PACRGL: variants seen among roughly 807,000 people sequenced by gnomAD.
PACRGL encodes PACRG-like protein.
Under a neutral mutation model 34.5 loss-of-function variants are expected in PACRGL, and 38 were observed. The ratio of observed to expected loss-of-function variants is 1.10; its 90% confidence interval spans 0.85 to 1.44. PACRGL has a LOEUF of 1.44. PACRGL is among the 40% of genes most tolerant of loss of function. The pLI is 0.00. For missense variants in PACRGL, 305 were observed against 281.4 expected (o/e 1.08, Z -0.60); for synonymous variants, 128 against 100.1 (o/e 1.28, Z -1.66).
At chr4:20,733,907 C>T (rs1287098575), downstream of PACRGL, among the ~76,000 whole-genome samples, 6 of 152,216 alleles carry the variant, frequency 3.9e-5, no homozygotes, top group Non-Finnish European at 7.3e-5. Flanking sequence ...TCTCCAGTAG[C>T]GCAAGTTCAT....
chr4:20,711,437 T>TA (rs1578180542), intron 5 of PACRGL, among the ~76,000 whole-genome samples: 1 of 152,206 alleles, frequency 6.6e-6, no homozygotes. Context: ...TGAGAGTTTT[T>TA]ATCTTGAAAA....
rs1023969976 is a variant in PACRGL, at chr4:20,704,575, C to G, written c.52+42C>G. ...TTTAAGTGAAGAGGTCAAGTTTGTT[C>G]ATGGCACTTTCTGTGCTACAGATGG... is the stretch of plus-strand genomic sequence containing the variant. On this transcript the variant is annotated intron_variant, in intron 2 of 8. Coordinates refer to ENST00000503585, the MANE Select transcript of PACRGL (RefSeq NM_001258345.3). 2.5e-6 allele frequency: 4 copies of G among 1,612,902 alleles called. No individual in the cohort carries two copies. The Admixed American group carries it at 6.7e-5, about 27-fold the overall frequency.
At chr4:20,742,057 T>G (rs1578468813) in intron 8 of PACRGL, among the ~76,000 whole-genome samples, 1 of 152,118 alleles carries the variant, frequency 6.6e-6, no homozygotes, top group African/African-American at 2.4e-5. Flanking sequence ...TAACAGGCTC[T>G]GAAATTGAGG....
rs1745874115 is a variant in PACRGL, at chr4:20,726,819, C to A, written c.691-466C>A. Among the ~76,000 whole-genome samples, 2 of 152,066 alleles carry A rather than the reference C, an allele frequency of 1.3e-5. 1 individual carries two copies. The highest frequency in any genetic ancestry group is 2.9e-5 in the Non-Finnish European group (2 of 68,012). On this transcript the variant is annotated intron_variant, in intron 8 of 8. Coordinates refer to ENST00000503585, the MANE Select transcript of PACRGL (RefSeq NM_001258345.3). Reference sequence around the variant, plus strand: ...TTTGATTTTTTTTCTAAGTGAAATGCACATTTATTTTGGAAAAGGCACAAT... The same window carrying A: ...TTTGATTTTTTTTCTAAGTGAAATGAACATTTATTTTGGAAAAGGCACAAT...
intron 3 of PACRGL, among the ~76,000 whole-genome samples, chr4:20,707,057 A>G (rs1734819240): frequency 6.6e-6 from 1 of 152,196 alleles, no homozygotes; most frequent in South Asian, 2.1e-4. Context: ...AGGTCAATTT[A>G]TATTTTGTAA....
At position 20,727,496 on chromosome 4, in the gene PACRGL, C is replaced by A. The variant is rs531733117; in HGVS notation, c.*155C>A. The A allele has an allele frequency of 1.6e-4, 91 of 552,812 alleles. No individual in the cohort carries two copies. In the East Asian group the frequency reaches 2.3e-3, roughly 14 times the overall value. The allele number at this position is 552,812 out of a possible 1,614,324, so 34.2% of individuals were successfully genotyped here. ...ACACTGAATCAAAGTTATTCATCAA[C>A]AAAAAAGAACAGTTACTAATGGAAA... On this transcript the variant is annotated 3_prime_UTR_variant, in exon 9 of 9. Transcript: ENST00000503585.
At chr4:20,704,860 T>G (rs754943664) in intron 3 of PACRGL, 46 bp downstream of exon 3, 3 of 1,591,486 alleles carry the variant, frequency 1.9e-6, no homozygotes, top group Non-Finnish European at 2.6e-6. Context: ...TTAAAGGCAT[T>G]TCGCACAGTA....
chr4:20,743,595 C>T (rs571155029), intron 8 of PACRGL, among the ~76,000 whole-genome samples: 1 of 152,260 alleles, frequency 6.6e-6, no homozygotes, highest in South Asian at 2.1e-4. Flanking sequence ...GGATCCCTTC[C>T]TTACACTTTA....
At position 20,706,748 on chromosome 4, in the gene PACRGL, G is replaced by A. The variant is rs952748011; in HGVS notation, c.208-1055G>A. ...CCGCCACCATCCTGGCTAGTTTTTTGTATTTTTAGTAGAGATGGGGTTTCA... is the reference window on the plus strand; with the variant it reads ...CCGCCACCATCCTGGCTAGTTTTTTATATTTTTAGTAGAGATGGGGTTTCA... On this transcript the variant is annotated intron_variant, in intron 3 of 8. Coordinates refer to ENST00000503585, the MANE Select transcript of PACRGL (RefSeq NM_001258345.3). 3.3e-5 allele frequency among the ~76,000 whole-genome samples: 5 copies of A among 152,040 alleles called. No homozygotes were observed. In the East Asian group the frequency reaches 9.7e-4, roughly 29 times the overall value.
chr4:20,742,848 A>G (rs1294049325), intron 8 of PACRGL, among the ~76,000 whole-genome samples: 2 of 152,198 alleles, frequency 1.3e-5, no homozygotes, highest in African/African-American at 4.8e-5. Flanking sequence ...CCTTAAACTG[A>G]TAAGCAACTT....
chr4:20,741,663 G>A (rs1435454076), intron 8 of PACRGL, among the ~76,000 whole-genome samples: 1 of 152,150 alleles, frequency 6.6e-6, no homozygotes, highest in East Asian at 1.9e-4. Flanking sequence ...AAAAGAAGTA[G>A]AGAAGCAAGA....
chr4:20,730,181 G>T lies in PACRGL; in HGVS notation c.*2840G>T. 1 of 1,559,634 alleles carries T rather than the reference G, an allele frequency of 6.4e-7. No homozygotes were observed. Among genetic ancestry groups the T allele is most frequent in the Non-Finnish European group, 8.7e-7 (1 of 1,153,944 alleles). On this transcript the variant is annotated 3_prime_UTR_variant, in exon 9 of 9. Transcript: ENST00000503585. Reference sequence around the variant, plus strand: ...AAATTCAGCATATCTGCAAGGAAAAGTACACTATTTTGCCCCTGAGTATTG... The same window carrying T: ...AAATTCAGCATATCTGCAAGGAAAATTACACTATTTTGCCCCTGAGTATTG...
In PACRGL at chr4:20,750,018, C is replaced by T. The variant is rs189781101; in HGVS notation, c.*57-2547C>T. On this transcript the variant is annotated intron_variant, in intron 8 of 8. Transcript: ENST00000507634. ...GATTAACACTGGGACAAGAAATGGT[C>T]CCATAGGTGGATGTGAAGATTGAGA... 2.3e-3 allele frequency among the ~76,000 whole-genome samples: 356 copies of T among 152,168 alleles called. 8 individuals are homozygous for T. The South Asian group carries it at 0.047, about 20-fold the overall frequency.
intron 7 of PACRGL, chr4:20,716,343 T>G: frequency 1.7e-6 from 1 of 577,264 alleles, no homozygotes; most frequent in Non-Finnish European, 3.0e-6. Context: ...GTTTTTTTTT[T>G]GTTTGTTTGT....
At chr4:20,753,755 C>T (rs575173884), downstream of PACRGL, among the ~76,000 whole-genome samples, 1 of 152,274 alleles carries the variant, frequency 6.6e-6, no homozygotes, top group African/African-American at 2.4e-5. Context: ...GAAATACTGT[C>T]CTAGGACAAG....
chr4:20,712,997 T>C (rs1184407688), intron 6 of PACRGL, 75 bp downstream of exon 6: 5 of 1,353,742 alleles, frequency 3.7e-6, no homozygotes, highest in Non-Finnish European at 4.9e-6. Flanking sequence ...TTTAGAATAT[T>C]GTATGCCTTT....
In PACRGL at chr4:20,731,979, G is replaced by T. The variant is rs780200534; in HGVS notation, c.*4638G>T. On this transcript the variant is annotated 3_prime_UTR_variant, in exon 9 of 9. Transcript: ENST00000503585. ...GTTTAGCTGTTATGATAGCTGAATT[G>T]ATAGTTATTACACTTTCATTACTTA... is the stretch of plus-strand genomic sequence containing the variant. 2 of 1,612,172 alleles carry T rather than the reference G, an allele frequency of 1.2e-6. No homozygotes were observed. Among genetic ancestry groups the T allele is most frequent in the Non-Finnish European group, 1.7e-6 (2 of 1,179,360 alleles).
At chr4:20,761,915 C>T in the PACRGL span, among the ~76,000 whole-genome samples, 1 of 152,170 alleles carries the variant, frequency 6.6e-6, no homozygotes, top group Non-Finnish European at 1.5e-5. Flanking sequence ...TCTACAAACA[C>T]ATACTGTATG....
intron 8 of PACRGL, 109 bp from the exon 9 acceptor site, chr4:20,727,176 C>G (rs1386988548): frequency 1.1e-6 from 1 of 879,740 alleles, no homozygotes; most frequent in East Asian, 2.5e-5. Flanking sequence ...TGTTCTTACC[C>G]CTTTTTGTTT....
Sources: allele counts gnomAD v4.1 joint callset (sites outside exome capture counted in the v4.1 genomes callset), GRCh38; gene constraint gnomAD v4.1.1; transcripts MANE v1.5; gene names NCBI Gene and HGNC (gene_info 2026-07-23, HGNC 2026-07-21).